The following SNX8 variants were observed in gnomAD, a reference collection of about 807,000 sequenced individuals.
SNX8 encodes the protein sorting nexin 8.
In SNX8, 25 loss-of-function variants were observed where a neutral mutation model predicts 51.6. The observed-to-expected ratio is 0.48, with a 90% CI of 0.35 to 0.68. SNX8 has a LOEUF of 0.68. Among genes scored for constraint, SNX8 ranks in the 30% least tolerant of loss-of-function variants. The pLI, the probability that SNX8 is intolerant of heterozygous loss-of-function variation, is 0.00. For synonymous variants in SNX8, 324 were observed against 277.0 expected (o/e 1.17, Z -1.68); for missense variants, 695 against 624.0 (o/e 1.11, Z -1.21).
chr7:2,316,931 C>G (rs1796767081), upstream of SNX8, among the ~76,000 whole-genome samples: 1 of 152,220 alleles, frequency 6.6e-6, no homozygotes, highest in Non-Finnish European at 1.5e-5. Flanking sequence ...ATTCCTTGAT[C>G]TGGAGGAGGC....
chr7:2,344,176 C>CGA (rs1562464598), intron 1 of SNX8, among the ~76,000 whole-genome samples: 1 of 151,462 alleles, frequency 6.6e-6, no homozygotes, highest in African/African-American at 2.4e-5. Context: ...TGAGCCTGGG[C>CGA]GACAGAGCAA....
In SNX8 at chr7:2,257,371, A is replaced by G. The variant is rs6888; in HGVS notation, c.1128T>C (p.Ile376=). ...CGGCCGCCCCGCCACCCACCTCCAC[A>G]ATGCGGGACTCCAGCTGCTCCACGG... ...PESVEQLESR[I]VEQENAIQTM... Residue 376 remains isoleucine (I), a synonymous_variant, in exon 9 of 11, where the codon ATT becomes ATC. Coordinates refer to ENST00000222990, the MANE Select transcript of SNX8 (RefSeq NM_013321.4). 1,531,573 of 1,606,368 alleles carry G rather than the reference A, an allele frequency of 0.95. 731,338 individuals are homozygous for G. The highest frequency in any genetic ancestry group is 0.97 in the African/African-American group (72,910 of 75,000).
rs1584658143 is a variant in SNX8, at chr7:2,254,672, G to A, written c.*384C>T. On this transcript the variant is annotated 3_prime_UTR_variant, in exon 11 of 11. Coordinates refer to ENST00000222990, the MANE Select transcript of SNX8 (RefSeq NM_013321.4). ...GCAGCCCTGCCCTCTCTCCTCGGCT[G>A]ACCGAGCACCATGATGCTGCCCCTC... The A allele has an allele frequency of 3.8e-6, 1 of 262,682 alleles. No individual in the cohort carries two copies. Among genetic ancestry groups the A allele is most frequent in the Admixed American group, 5.0e-5 (1 of 19,854 alleles). The allele number at this position is 262,682 out of a possible 1,614,324, so 16.3% of individuals were successfully genotyped here. A position where few individuals can be genotyped will look rare whatever the true frequency, so the allele number is the denominator to read the frequency against.
At chr7:2,261,659 C>T (rs1795339541) in intron 7 of SNX8, among the ~76,000 whole-genome samples, 1 of 152,188 alleles carries the variant, frequency 6.6e-6, no homozygotes, top group African/African-American at 2.4e-5. Context: ...GCACACAGAC[C>T]TGGAGACAGA....
At chr7:2,302,700 T>C (rs1280270487) in intron 1 of SNX8, among the ~76,000 whole-genome samples, 2 of 141,738 alleles carry the variant, frequency 1.4e-5, no homozygotes, top group Admixed American at 7.1e-5. Context: ...AAGTGAGGAG[T>C]GTCTTTGCCC....
intron 1 of SNX8, among the ~76,000 whole-genome samples, chr7:2,302,645 C>G (rs568343594): frequency 6.6e-6 from 1 of 151,802 alleles, no homozygotes; most frequent in Non-Finnish European, 1.5e-5. Context: ...GCCACCCCAT[C>G]TAGGAAGTGA....
At chr7:2,315,032 CCACT>C (rs1233700175), upstream of SNX8, among the ~76,000 whole-genome samples, 16 of 146,750 alleles carry the variant, frequency 1.1e-4, no homozygotes, top group Admixed American at 9.5e-4. Flanking sequence ...ATTCATTCAC[CCACT>C]CACTCACTGC....
chr7:2,336,448 C>CG (rs1778831433), intron 1 of SNX8, among the ~76,000 whole-genome samples: 1 of 152,070 alleles, frequency 6.6e-6, no homozygotes, highest in Non-Finnish European at 1.5e-5. Context: ...GTGGCTCACA[C>CG]CTGTAATCCT....
Position 2,255,129 on chromosome 7 carries a change from C to A in SNX8, c.1325G>T (p.Cys442Phe), listed in dbSNP as rs761460189. 3 of 1,578,352 alleles carry A rather than the reference C, an allele frequency of 1.9e-6. No individual in the cohort carries two copies. The African/African-American group carries it at 4.0e-5, about 21-fold the overall frequency. Residue 442 changes from cysteine (C) to phenylalanine (F), a missense_variant, in exon 11 of 11, where the codon TGC becomes TTC. Physicochemically the swap from Cys to Phe is radical, Grantham distance 205. Transcript: ENST00000222990. ...VWNDLRPKLS[C>F]LFAGPHSTLT... Reference sequence around the variant, plus strand: ...GGTGCTGTGTGGTCCCGCAAAGAGGCAGCTGAGCTTGGGCCTCAGGTCGTT... The same window carrying A: ...GGTGCTGTGTGGTCCCGCAAAGAGGAAGCTGAGCTTGGGCCTCAGGTCGTT...
rs567729280 is a variant in SNX8 at position 2,258,622 on chromosome 7, C to A, written c.916-819G>T. Among the ~76,000 whole-genome samples, 134 of 152,276 alleles carry A rather than the reference C, an allele frequency of 8.8e-4. 2 individuals carry two copies. The highest frequency in any genetic ancestry group is 5.6e-4 in the Non-Finnish European group (38 of 68,018). On this transcript the variant is annotated intron_variant, in intron 7 of 10. Coordinates refer to ENST00000222990, the MANE Select transcript of SNX8 (RefSeq NM_013321.4). ...CAGTAACAGGAGAGAGAAACGCAGG[C>A]CTAGGAAGGGGGCACAGGGAAGGGG...
At chr7:2,257,110 G>C in intron 9 of SNX8, 87 bp from the exon 10 acceptor site, 1 of 1,431,886 alleles carries the variant, frequency 7.0e-7, no homozygotes, top group South Asian at 1.4e-5. Flanking sequence ...CCCTGAGCCA[G>C]GGCGGCCCCT....
chr7:2,342,441 G>A (rs959950133), intron 1 of SNX8, among the ~76,000 whole-genome samples: 1 of 152,074 alleles, frequency 6.6e-6, no homozygotes, highest in Non-Finnish European at 1.5e-5. Flanking sequence ...ATCACTTGAG[G>A]TCAGGAGTTC....
chr7:2,257,094 C>A, intron 9 of SNX8, 71 bp from the exon 10 acceptor site: 1 of 1,484,612 alleles, frequency 6.7e-7, no homozygotes, highest in Middle Eastern at 2.4e-4. Flanking sequence ...CGAACACCAG[C>A]GTGCTCCCTG....
At chr7:2,332,610 T>A (rs1778755542) in intron 1 of SNX8, among the ~76,000 whole-genome samples, 1 of 151,638 alleles carries the variant, frequency 6.6e-6, no homozygotes, top group African/African-American at 2.4e-5. Flanking sequence ...AAAAATCAGC[T>A]GGGCGTGGTG....
At chr7:2,261,162 G>A (rs1044810494) in intron 7 of SNX8, among the ~76,000 whole-genome samples, 1 of 152,276 alleles carries the variant, frequency 6.6e-6, no homozygotes, top group African/African-American at 2.4e-5. Flanking sequence ...GCTGGGCACA[G>A]AGGCTCGTGC....
Position 2,294,693 on chromosome 7 carries a change from G to A in SNX8, c.95-16388C>T, listed in dbSNP as rs77304243. Among the ~76,000 whole-genome samples, 599 of 152,240 alleles carry A rather than the reference G, an allele frequency of 3.9e-3. 1 individual carries two copies. Among genetic ancestry groups the A allele is most frequent in the African/African-American group, 0.013 (556 of 41,544 alleles). On this transcript the variant is annotated intron_variant, in intron 1 of 10. Transcript: ENST00000222990. ...AGGAGCTGGAGCCGCAGGTCTGTCT[G>A]TGACCATCAGCAAGCAGTTCACCCC... is the stretch of plus-strand genomic sequence containing the variant.
At position 2,281,441 on chromosome 7, in the gene SNX8, A is replaced by AG. The variant is rs1795903552; in HGVS notation, c.95-3137_95-3136insC. On this transcript the variant is annotated intron_variant, in intron 1 of 10. Transcript: ENST00000222990. ...CTATAAAAACAAAAAGGAAAAAAAA[A>AG]AAAACATCATTTCAAATGGGTACAC... Among the ~76,000 whole-genome samples, 3 of 151,994 alleles carry AG rather than the reference A, an allele frequency of 2.0e-5. No homozygotes were observed. In the South Asian group the frequency reaches 6.2e-4, roughly 32 times the overall value.
Position 2,255,008 on chromosome 7 carries a change from A to T in SNX8, c.*48T>A, listed in dbSNP as rs1310206012. The stretch of plus-strand genomic sequence containing the variant: ...AATTACACCGGGACACACCGTTTGG[A>T]AAGAGGTTTTAGTGCGGCCGCAGGG... On this transcript the variant is annotated 3_prime_UTR_variant, in exon 11 of 11. Transcript: ENST00000222990. 18 of 1,240,978 alleles carry T rather than the reference A, an allele frequency of 1.5e-5. No individual in the cohort carries two copies. Among genetic ancestry groups the T allele is most frequent in the Non-Finnish European group, 2.0e-5 (17 of 866,262 alleles). The allele number at this position is 1,240,978 out of a possible 1,614,324, so 76.9% of individuals were successfully genotyped here.
At chr7:2,295,258 G>A (rs915124863) in intron 1 of SNX8, among the ~76,000 whole-genome samples, 3 of 151,760 alleles carry the variant, frequency 2.0e-5, no homozygotes, top group African/African-American at 7.3e-5. Flanking sequence ...ACAAAAATTA[G>A]CCAAGTGTGG....
Sources: allele counts gnomAD v4.1 joint callset (sites outside exome capture counted in the v4.1 genomes callset), GRCh38; gene constraint gnomAD v4.1.1; transcripts MANE v1.5; gene names NCBI Gene and HGNC (gene_info 2026-07-23, HGNC 2026-07-21).